FAHD2A: variants seen among roughly 807,000 people sequenced by gnomAD.
FAHD2A encodes the protein fumarylacetoacetate hydrolase domain containing 2A, also known as oxaloacetate tautomerase FAHD2A, mitochondrial.
In FAHD2A, 27 loss-of-function variants were observed where a neutral mutation model predicts 33.4. The ratio of observed to expected loss-of-function variants is 0.81; its 90% CI spans 0.60 to 1.11. The LOEUF (loss-of-function observed/expected upper bound fraction) is 1.11, where lower values mean the gene tolerates loss of function less well. Ranked by LOEUF, FAHD2A falls within the 50% of genes most tolerant of loss-of-function variation. FAHD2A has a pLI of 0.00. For missense variants in FAHD2A, 296 were observed against 395.0 expected (o/e 0.75, Z 2.12); for synonymous variants, 130 against 153.3 (o/e 0.85, Z 1.12).
chr2:95,411,937 C>T (rs186874381), intron 5 of FAHD2A, among the ~76,000 whole-genome samples: 1 of 152,308 alleles, frequency 6.6e-6, no homozygotes, highest in Admixed American at 6.5e-5. Context: ...AGGCACGCAC[C>T]ACCACGCCTG....
chr2:95,413,743 G>A lies in FAHD2A; in HGVS notation c.*786G>A. The stretch of plus-strand genomic sequence containing the variant: ...CCCAATACCCCACCTAGAAGGATGA[G>A]CCAGTGATTTGGGAGACCAAGAGGC... On this transcript the variant is annotated 3_prime_UTR_variant, in exon 8 of 8. Transcript: ENST00000233379. 1.3e-6 allele frequency: 1 copy of A among 746,496 alleles called. No homozygotes were observed. 46.2% of individuals were successfully genotyped at this position (746,496 alleles called of 1,614,324 possible).
rs753852522 is a variant in FAHD2A at position 95,412,781 on chromosome 2, CAA to C, written c.882+19_882+20del. On this transcript the variant is annotated intron_variant, in intron 7 of 7. Transcript: ENST00000233379. The stretch of plus-strand genomic sequence containing the variant: ...TTTCTCAAGGTAGGTTAGCGAAAAG[CAA>C]AGAGCAAGGGCCCCAAAGGCCTGGC... 2.1e-5 allele frequency: 34 copies of C among 1,614,058 alleles called. No individual in the cohort carries two copies. Among genetic ancestry groups the C allele is most frequent in the Non-Finnish European group, 2.8e-5 (33 of 1,180,016 alleles).
In FAHD2A at chr2:95,410,449, A is replaced by G; in HGVS notation, c.463-78A>G. On this transcript the variant is annotated intron_variant, in intron 3 of 7. Transcript: ENST00000233379. ...ATACTGACAAAGGTTGAGGCCCTTC[A>G]GCATGGTGTGCAGCCTCTCAGCATG... is the stretch of plus-strand genomic sequence containing the variant. The G allele has an allele frequency of 1.9e-6, 3 of 1,545,010 alleles. No individual in the cohort carries two copies. In the East Asian group the frequency reaches 7.3e-5, roughly 37 times the overall value.
intron 5 of FAHD2A, 101 bp from the exon 6 acceptor site, chr2:95,412,333 A>C (rs1573580234): frequency 7.0e-7 from 1 of 1,419,946 alleles, no homozygotes; most frequent in Non-Finnish European, 9.7e-7. Context: ...AAGCCCTTTC[A>C]CCTGCCAAGT....
At chr2:95,402,981 G>C (rs1680965038) in intron 1 of FAHD2A, 109 bp downstream of exon 1, 1 of 152,426 alleles carries the variant, frequency 6.6e-6, no homozygotes, top group African/African-American at 2.4e-5. Flanking sequence ...CACACAGACG[G>C]GGCGGACCTG....
intron 6 of FAHD2A, 24 bp downstream of exon 6, chr2:95,412,566 C>G: frequency 6.2e-7 from 1 of 1,613,688 alleles, no homozygotes; most frequent in African/African-American, 1.3e-5. Context: ...GCTGTCCTGC[C>G]AGCCCCGCTT....
chr2:95,419,340 A>C (rs915134163), downstream of FAHD2A, among the ~76,000 whole-genome samples: 64 of 150,034 alleles, frequency 4.3e-4, no homozygotes, highest in Admixed American at 1.9e-3. Context: ...GAATGTTTAC[A>C]GACTAAGAGG....
At chr2:95,418,341 A>G (rs553982976), downstream of FAHD2A, among the ~76,000 whole-genome samples, 15 of 152,026 alleles carry the variant, frequency 9.9e-5, no homozygotes, top group African/African-American at 2.9e-4. Context: ...TGGTGGCAAT[A>G]CTTGCCCTGA....
In FAHD2A at chr2:95,415,410, C is replaced by G. The variant is rs1298292463; in HGVS notation, c.*2453C>G. 7.0e-6 allele frequency: 1 copy of G among 141,884 alleles called. No homozygotes were observed. Among genetic ancestry groups the G allele is most frequent in the Non-Finnish European group, 1.5e-5 (1 of 65,338 alleles). 8.8% of individuals were successfully genotyped at this position (141,884 alleles called of 1,614,324 possible). A position where few individuals can be genotyped will look rare whatever the true frequency, so the allele number is the denominator to read the frequency against. On this transcript the variant is annotated 3_prime_UTR_variant, in exon 8 of 8. Coordinates refer to ENST00000233379, the MANE Select transcript of FAHD2A (RefSeq NM_016044.3). ...AGAACAGGGTGGAGTGAGTGGAAAG[C>G]AAATGAAATGTTAAAAAAAAAAAAA...
At chr2:95,410,463 C>G (rs1405192672) in intron 3 of FAHD2A, 64 bp from the exon 4 acceptor site, 1 of 1,560,634 alleles carries the variant, frequency 6.4e-7, no homozygotes, top group East Asian at 2.4e-5. Context: ...TGGTGTGCAG[C>G]CTCTCAGCAT....
At chr2:95,418,039 C>T (rs1160506584), downstream of FAHD2A, among the ~76,000 whole-genome samples, 5 of 151,526 alleles carry the variant, frequency 3.3e-5, no homozygotes. Flanking sequence ...TCAAACTTCT[C>T]TAGGCCTCAA....
chr2:95,407,276 C>G, intron 3 of FAHD2A, 119 bp downstream of exon 3: 3 of 1,426,268 alleles, frequency 2.1e-6, no homozygotes, highest in Non-Finnish European at 2.9e-6. Context: ...AGAAACTCTA[C>G]AGGATTGTAC....
downstream of FAHD2A, among the ~76,000 whole-genome samples, chr2:95,419,392 A>G (rs560175923): frequency 3.9e-5 from 6 of 152,198 alleles, no homozygotes; most frequent in East Asian, 1.2e-3. Context: ...TGAAGATTCA[A>G]AACAATGGAA....
rs1558805736 is a variant in FAHD2A at position 95,414,571 on chromosome 2, C to T, written c.*1614C>T. ...TGGACAGCCTCTCCGCGGCCTTCCT[C>T]CTCCCTGCTCCAGAATTCTACTTGG... On this transcript the variant is annotated 3_prime_UTR_variant, in exon 8 of 8. Transcript: ENST00000233379. 2 of 274,776 alleles carry T rather than the reference C, an allele frequency of 7.3e-6. No homozygotes were observed. The highest frequency in any genetic ancestry group is 4.8e-5 in the Admixed American group (1 of 20,668). The allele number at this position is 274,776 out of a possible 1,614,324, so 17.0% of individuals were successfully genotyped here.
rs1680937675 is a variant in FAHD2A at position 95,402,795 on chromosome 2, T to A, written c.-84T>A. ...TGGCTGCGGTCACTGGTGGCAGTGC[T>A]CAGGCGCCCGCCGCCCTTGACCTTC... On this transcript the variant is annotated 5_prime_UTR_variant, in exon 1 of 8. Transcript: ENST00000233379. 6.6e-6 allele frequency: 1 copy of A among 152,388 alleles called. No homozygotes were observed. The highest frequency in any genetic ancestry group is 1.5e-5 in the Non-Finnish European group (1 of 68,170). 9.4% of individuals were successfully genotyped at this position (152,388 alleles called of 1,614,324 possible).
chr2:95,406,986 C>A lies in FAHD2A; in HGVS notation c.291C>A (p.Thr97=). ...QLPVLPRSEV[T]FLAPVTRPDK... ...CAGTCCTACCACGGTCGGAGGTAAC[C>A]TTCCTGGCTCCAGTCACACGACCAG... Residue 97 remains threonine (T), a synonymous_variant, in exon 3 of 8, where the codon ACC becomes ACA. Coordinates refer to ENST00000233379, the MANE Select transcript of FAHD2A (RefSeq NM_016044.3). 1 of 1,613,984 alleles carries A rather than the reference C, an allele frequency of 6.2e-7. No homozygotes were observed. The highest frequency in any genetic ancestry group is 8.5e-7 in the Non-Finnish European group (1 of 1,179,864).
rs1408361635 is a variant in FAHD2A at position 95,415,640 on chromosome 2, ACT to A, written c.*2688_*2689del. 1 of 152,324 alleles carries A rather than the reference ACT, an allele frequency of 6.6e-6. No homozygotes were observed. Among genetic ancestry groups the A allele is most frequent in the South Asian group, 2.1e-4 (1 of 4,800 alleles). 9.4% of individuals were successfully genotyped at this position (152,324 alleles called of 1,614,324 possible). A position where few individuals can be genotyped will look rare whatever the true frequency, so the allele number is the denominator to read the frequency against. ...ATCACTCGCCAGCCGTGCAGTCCTCACTCTCTTGCCCAGGTAAGCTGGGGAAG... is the reference window on the plus strand; with the variant it reads ...ATCACTCGCCAGCCGTGCAGTCCTCACTCTTGCCCAGGTAAGCTGGGGAAG... On this transcript the variant is annotated 3_prime_UTR_variant, in exon 8 of 8. Coordinates refer to ENST00000233379, the MANE Select transcript of FAHD2A (RefSeq NM_016044.3).
chr2:95,417,343 A>G (rs1358804894), downstream of FAHD2A, among the ~76,000 whole-genome samples: 3 of 152,156 alleles, frequency 2.0e-5, no homozygotes, highest in Non-Finnish European at 2.9e-5. Flanking sequence ...CTTCCCATTT[A>G]CAGATCCTCT....
intron 3 of FAHD2A, 40 bp from the exon 4 acceptor site, chr2:95,410,487 T>C (rs753540145): frequency 5.7e-6 from 9 of 1,584,270 alleles, no homozygotes; most frequent in African/African-American, 4.0e-5. Flanking sequence ...CAGTGGGCCC[T>C]GAAGCCACTG....
Sources: allele counts gnomAD v4.1 joint callset (sites outside exome capture counted in the v4.1 genomes callset), GRCh38; gene constraint gnomAD v4.1.1; transcripts MANE v1.5; gene names NCBI Gene and HGNC (gene_info 2026-07-23, HGNC 2026-07-21).